The following DONSON variants were observed in gnomAD, a reference collection of about 807,000 sequenced individuals.
DONSON encodes DNA replication fork stabilization factor DONSON.
In DONSON, 43 loss-of-function variants were observed where a neutral mutation model predicts 62.1. The observed-to-expected ratio is 0.69, with a 90% CI of 0.54 to 0.89. The LOEUF (loss-of-function observed/expected upper bound fraction) is 0.89. DONSON is among the 40% of genes least tolerant of loss of function. The pLI is 0.00. For missense variants in DONSON, 696 were observed against 697.5 expected, an observed-to-expected ratio of 1.00 and a Z score of 0.03; for synonymous variants, 266 against 264.6, an observed-to-expected ratio of 1.01 and a Z score of -0.05.
intron 4 of DONSON, among the ~76,000 whole-genome samples, chr21:33,584,158 C>T (rs921083706): frequency 6.6e-6 from 1 of 150,606 alleles, no homozygotes; most frequent in Non-Finnish European, 1.5e-5. Flanking sequence ...CATTCTCCTG[C>T]CTCAGCCTCC....
chr21:33,586,275 A>C (rs2086576677), intron 2 of DONSON, 94 bp from the exon 3 acceptor site: 5 of 995,480 alleles, frequency 5.0e-6, no homozygotes, highest in Non-Finnish European at 7.7e-6. Context: ...CTGAAAAGTA[A>C]AAATCATATA....
At chr21:33,581,878 C>T (rs2086514842) in intron 7 of DONSON, 73 bp downstream of exon 7, 1 of 1,304,524 alleles carries the variant, frequency 7.7e-7, no homozygotes, top group Non-Finnish European at 1.1e-6. Flanking sequence ...TCATATAAAA[C>T]TGCCAATGTT....
Position 33,581,153 on chromosome 21 carries a change from T to C in DONSON, c.1350+149A>G, listed in dbSNP as rs929379224. On this transcript the variant is annotated intron_variant, in intron 8 of 9. Transcript: ENST00000303071. Reference sequence around the variant, plus strand: ...TAATTTCTTTGATATAACTGTCTTATATAATTTTTGTTTCTTTTTTTAATG... The same window carrying C: ...TAATTTCTTTGATATAACTGTCTTACATAATTTTTGTTTCTTTTTTTAATG... 1.9e-5 allele frequency: 12 copies of C among 634,842 alleles called. No individual in the cohort carries two copies. The Admixed American group carries it at 3.3e-4, about 17-fold the overall frequency. 39.3% of individuals were successfully genotyped at this position (634,842 alleles called of 1,614,324 possible).
intron 2 of DONSON, 64 bp downstream of exon 2, chr21:33,587,458 C>T: frequency 1.3e-6 from 2 of 1,494,438 alleles, no homozygotes; most frequent in East Asian, 2.4e-5. Flanking sequence ...TAAAAATAGG[C>T]TCAAATCCTA....
Position 33,582,562 on chromosome 21 carries a change from ATT to A in DONSON, c.965-318_965-317del, listed in dbSNP as rs571032220. Reference sequence around the variant, plus strand: ...ACTAATGGGTTTACTCAGTTTGAAAATTTTGTTATTAAAGGGGTAATTGGTAC... The same window carrying A: ...ACTAATGGGTTTACTCAGTTTGAAAATTGTTATTAAAGGGGTAATTGGTAC... On this transcript the variant is annotated intron_variant, in intron 5 of 9. Coordinates refer to ENST00000303071, the MANE Select transcript of DONSON (RefSeq NM_017613.4). 1.0e-3 allele frequency among the ~76,000 whole-genome samples: 157 copies of A among 152,294 alleles called. 1 individual carries two copies. The highest frequency in any genetic ancestry group is 1.3e-3 in the Non-Finnish European group (88 of 68,024).
Position 33,577,816 on chromosome 21 carries a change from TAA to T in DONSON, c.*489_*490del, listed in dbSNP as rs1420573713. 3 of 153,038 alleles carry T rather than the reference TAA, an allele frequency of 2.0e-5. No individual in the cohort carries two copies. The highest frequency in any genetic ancestry group is 6.5e-5 in the Admixed American group (1 of 15,364). 9.5% of individuals were successfully genotyped at this position (153,038 alleles called of 1,614,324 possible). ...CTTTTTATCTGAATTAACATGCATT[TAA>T]AAAGTTTTAGTATATGTGAAAATAA... On this transcript the variant is annotated 3_prime_UTR_variant, in exon 10 of 10. Transcript: ENST00000303071.
intron 9 of DONSON, among the ~76,000 whole-genome samples, chr21:33,578,953 A>G (rs753409060): frequency 3.9e-5 from 6 of 152,194 alleles, no homozygotes; most frequent in Non-Finnish European, 7.4e-5. Flanking sequence ...CCTGGCCAAC[A>G]TGGTGAAACC....
Position 33,583,614 on chromosome 21 carries a change from A to G in DONSON, c.838T>C (p.Tyr280His). 1 of 1,612,948 alleles carries G rather than the reference A, an allele frequency of 6.2e-7. No homozygotes were observed. Among genetic ancestry groups the G allele is most frequent in the Non-Finnish European group, 8.5e-7 (1 of 1,179,260 alleles). Residue 280 changes from tyrosine to histidine, a missense_variant, in exon 5 of 10, where the codon TAT becomes CAT. Transcript: ENST00000303071. ...YNLLKTKLCP[Y>H]FYVCTYQFTV... is the part of the protein sequence containing the mutation. ...AACTGATAGGTACAAACGTAGAAAT[A>G]GGGGCAAAGTTTTGTCTTCAGCAAA...
At chr21:33,580,997 T>C (rs1303957163) in intron 8 of DONSON, among the ~76,000 whole-genome samples, 1 of 152,172 alleles carries the variant, frequency 6.6e-6, no homozygotes, top group Non-Finnish European at 1.5e-5. Context: ...GAGAATCACT[T>C]GAACCCGGGA....
At chr21:33,584,842 C>A (rs1469370417) in intron 3 of DONSON, 74 bp from the exon 4 acceptor site, 27 of 1,233,138 alleles carry the variant, frequency 2.2e-5, no homozygotes, top group South Asian at 2.2e-5. Context: ...ACAATCTTTA[C>A]CAAACACTTA....
chr21:33,586,779 C>T (rs113013750), intron 2 of DONSON, among the ~76,000 whole-genome samples: 7 of 152,108 alleles, frequency 4.6e-5, no homozygotes, highest in African/African-American at 1.4e-4. Flanking sequence ...GGACTACAGG[C>T]GTGCCCCACC....
intron 5 of DONSON, among the ~76,000 whole-genome samples, chr21:33,583,093 C>A (rs369105615): frequency 5.4e-5 from 8 of 149,502 alleles, no homozygotes; most frequent in Admixed American, 4.0e-4. Flanking sequence ...CCCAGCTACT[C>A]GGGAGGCTGA....
In DONSON at chr21:33,584,577, T is replaced by A. The variant is rs762113405; in HGVS notation, c.785+13A>T. The A allele has an allele frequency of 6.4e-7, 1 of 1,574,776 alleles. No individual in the cohort carries two copies. Among genetic ancestry groups the A allele is most frequent in the Non-Finnish European group, 8.6e-7 (1 of 1,157,970 alleles). ...CACTATTGAATTATACAAGTTTCTC[T>A]TACTAATCTTACCAGTCACTCATTA... On this transcript the variant is annotated intron_variant, in intron 4 of 9. Coordinates refer to ENST00000303071, the MANE Select transcript of DONSON (RefSeq NM_017613.4).
In DONSON at chr21:33,577,713, A is replaced by C. The variant is rs2086449733; in HGVS notation, c.*594T>G. 6.7e-6 allele frequency: 1 copy of C among 148,416 alleles called. No homozygotes were observed. Among genetic ancestry groups the C allele is most frequent in the African/African-American group, 2.5e-5 (1 of 39,942 alleles). 9.2% of individuals were successfully genotyped at this position (148,416 alleles called of 1,614,324 possible). A position where few individuals can be genotyped will look rare whatever the true frequency, so the allele number is the denominator to read the frequency against. ...CACACACACACACACCCCTATAAGC[A>C]CATTAAATACTACTTTGCCGTGACA... is the stretch of plus-strand genomic sequence containing the variant. On this transcript the variant is annotated 3_prime_UTR_variant, in exon 10 of 10. Coordinates refer to ENST00000303071, the MANE Select transcript of DONSON (RefSeq NM_017613.4).
In DONSON at chr21:33,577,672, CACACACACACACACACACA is replaced by C. The variant is rs2086444634; in HGVS notation, c.*616_*634del. ...ACACACACACACACACACACACACA[CACACACACACACACACACA>C]CACACACACACCCCTATAAGCACAT... On this transcript the variant is annotated 3_prime_UTR_variant, in exon 10 of 10. Coordinates refer to ENST00000303071, the MANE Select transcript of DONSON (RefSeq NM_017613.4). 2.0e-5 allele frequency: 2 copies of C among 101,464 alleles called. No individual in the cohort carries two copies. Among genetic ancestry groups the C allele is most frequent in the Admixed American group, 9.5e-5 (1 of 10,576 alleles). The allele number at this position is 101,464 out of a possible 1,614,324, so 6.3% of individuals were successfully genotyped here. A position where few individuals can be genotyped will look rare whatever the true frequency, so the allele number is the denominator to read the frequency against.
rs376262017 is a variant in DONSON at position 33,586,192 on chromosome 21, C to G, written c.403-11G>C. On this transcript the variant is annotated splice_polypyrimidine_tract_variant and intron_variant, in intron 2 of 9. Coordinates refer to ENST00000303071, the MANE Select transcript of DONSON (RefSeq NM_017613.4). ...TGATACATGTGAAGTCTTTAGAAAA[C>G]AAAGAATGCAAAAATTAGTCGAGTA... is the stretch of plus-strand genomic sequence containing the variant. The G allele has an allele frequency of 2.2e-5, 35 of 1,611,078 alleles. No homozygotes were observed. In the East Asian group the frequency reaches 3.8e-4, roughly 17 times the overall value.
intron 4 of DONSON, 114 bp downstream of exon 4, chr21:33,584,476 A>G (rs1332205843): frequency 9.5e-7 from 1 of 1,053,834 alleles, no homozygotes; most frequent in Non-Finnish European, 1.3e-6. Flanking sequence ...GATAAAATTC[A>G]CAAGGATCTA....
At chr21:33,583,226 G>C (rs770882801) in intron 5 of DONSON, among the ~76,000 whole-genome samples, 2 of 90,800 alleles carry the variant, frequency 2.2e-5, no homozygotes, top group Non-Finnish European at 4.3e-5. Context: ...AAAAAAAAAA[G>C]AATGATCATC....
chr21:33,578,939 C>G (rs2086469360), intron 9 of DONSON, among the ~76,000 whole-genome samples: 1 of 152,118 alleles, frequency 6.6e-6, no homozygotes, highest in African/African-American at 2.4e-5. Context: ...GAGTTCAAGA[C>G]CAGCCTGGCC....
Sources: allele counts gnomAD v4.1 joint callset (sites outside exome capture counted in the v4.1 genomes callset), GRCh38; gene constraint gnomAD v4.1.1; transcripts MANE v1.5; gene names NCBI Gene and HGNC (gene_info 2026-07-23, HGNC 2026-07-21).